The following ANKRD17 variants were observed in gnomAD, a reference collection of about 807,000 sequenced individuals.
ANKRD17 encodes the protein ankyrin repeat domain-containing protein 17.
Under a neutral mutation model 229.7 loss-of-function variants are expected in ANKRD17, and 19 were observed. That is an observed-to-expected ratio of 0.08 (90% CI 0.06 to 0.12). The LOEUF is 0.12. Ranked by LOEUF, ANKRD17 falls within the 10% of genes least tolerant of loss-of-function variation. ANKRD17 has a pLI of 1.00. For synonymous variants in ANKRD17, 1,112 were observed against 1,146.1 expected (o/e 0.97, Z 0.60); for missense variants, 2,176 against 3,176.8 (o/e 0.68, Z 7.57).
intron 2 of ANKRD17, among the ~76,000 whole-genome samples, chr4:73,163,651 T>C (rs562705461): frequency 2.6e-5 from 4 of 152,278 alleles, no homozygotes; most frequent in South Asian, 4.1e-4. Flanking sequence ...CAGTGCACTT[T>C]ATAATAAAAT....
chr4:73,211,879 A>T (rs1740325492), intron 1 of ANKRD17, among the ~76,000 whole-genome samples: 1 of 151,818 alleles, frequency 6.6e-6, no homozygotes, highest in Non-Finnish European at 1.5e-5. Context: ...TCTAATTGTA[A>T]GCTTTCATAA....
At chr4:73,190,294 G>T (rs544913655) in intron 1 of ANKRD17, among the ~76,000 whole-genome samples, 2 of 152,010 alleles carry the variant, frequency 1.3e-5, no homozygotes, top group East Asian at 1.9e-4. Context: ...ACTTGAACCC[G>T]GGAGGCAGAG....
intron 29 of ANKRD17, among the ~76,000 whole-genome samples, chr4:73,085,836 A>T (rs1473078570): frequency 6.6e-6 from 1 of 151,256 alleles, no homozygotes; most frequent in Non-Finnish European, 1.5e-5. Flanking sequence ...TAAAAAAAAA[A>T]AAAAATTAGC....
intron 3 of ANKRD17, among the ~76,000 whole-genome samples, chr4:73,159,217 C>T (rs910473482): frequency 3.9e-5 from 6 of 152,194 alleles, no homozygotes; most frequent in Admixed American, 1.3e-4. Flanking sequence ...AGACTCAATG[C>T]TATCATTTTT....
At chr4:73,097,918 A>C (rs1723499219) in intron 26 of ANKRD17, among the ~76,000 whole-genome samples, 155 bp downstream of exon 26, 1 of 152,226 alleles carries the variant, frequency 6.6e-6, no homozygotes, top group Non-Finnish European at 1.5e-5. Flanking sequence ...TCTAAACAAA[A>C]GCTTATTCTT....
At chr4:73,179,516 ATATT>A (rs1460438170) in intron 1 of ANKRD17, among the ~76,000 whole-genome samples, 2,493 of 56,790 alleles carry the variant, frequency 0.044, 30 homozygotes, top group East Asian at 0.15. Context: ...ATATATATAT[ATATT>A]TTTTTTTTTT....
intron 2 of ANKRD17, among the ~76,000 whole-genome samples, chr4:73,162,952 C>CG (rs1732730520): frequency 1.3e-5 from 2 of 151,768 alleles, no homozygotes; most frequent in Non-Finnish European, 2.9e-5. Context: ...CTCGACCTCC[C>CG]GGGCTCAAGT....
intron 24 of ANKRD17, among the ~76,000 whole-genome samples, chr4:73,110,427 C>T (rs1322458467): frequency 6.6e-6 from 1 of 152,210 alleles, no homozygotes; most frequent in Non-Finnish European, 1.5e-5. Context: ...CTCAGCCTCC[C>T]GAGTAGCTGG....
intron 1 of ANKRD17, among the ~76,000 whole-genome samples, chr4:73,197,606 G>C (rs1477344948): frequency 6.6e-6 from 1 of 152,138 alleles, no homozygotes; most frequent in Non-Finnish European, 1.5e-5. Context: ...GAGGTGGAAG[G>C]ATAAACTTGA....
intron 1 of ANKRD17, among the ~76,000 whole-genome samples, chr4:73,205,332 G>C (rs891121030): frequency 5.3e-5 from 8 of 151,836 alleles, no homozygotes; most frequent in Non-Finnish European, 1.2e-4. Context: ...AAATTTTTTA[G>C]CAAAATAAAA....
At chr4:73,223,063 G>C in intron 1 of ANKRD17, 2 of 1,535,186 alleles carry the variant, frequency 1.3e-6, no homozygotes, top group Non-Finnish European at 8.7e-7. Flanking sequence ...ACTGCACTAT[G>C]ATTAGATCAT....
At chr4:73,196,356 GC>G (rs1289183252) in intron 1 of ANKRD17, among the ~76,000 whole-genome samples, 1 of 151,952 alleles carries the variant, frequency 6.6e-6, no homozygotes, top group Non-Finnish European at 1.5e-5. Context: ...CTTCCATTCT[GC>G]CTGCTTTGGT....
chr4:73,125,811 TA>T (rs1560557759), intron 16 of ANKRD17, among the ~76,000 whole-genome samples: 1 of 152,020 alleles, frequency 6.6e-6, no homozygotes, highest in Non-Finnish European at 1.5e-5. Flanking sequence ...GCGAGTTTTT[TA>T]AAAAGGCTAC....
At chr4:73,143,042 C>T (rs1197397347) in intron 11 of ANKRD17, among the ~76,000 whole-genome samples, 1 of 152,008 alleles carries the variant, frequency 6.6e-6, no homozygotes, top group Non-Finnish European at 1.5e-5. Context: ...TAAAAGATAC[C>T]AAAGTACCCA....
intron 1 of ANKRD17, among the ~76,000 whole-genome samples, chr4:73,245,885 A>T (rs1376334586): frequency 6.6e-6 from 1 of 152,154 alleles, no homozygotes; most frequent in East Asian, 1.9e-4. Flanking sequence ...AAAAACAGAA[A>T]AGAAATCTAT....
At chr4:73,117,275 C>A (rs1038502830) in intron 22 of ANKRD17, among the ~76,000 whole-genome samples, 1 of 152,008 alleles carries the variant, frequency 6.6e-6, no homozygotes, top group African/African-American at 2.4e-5. Flanking sequence ...GAGATAGGAA[C>A]AAGGAAAAGA....
At chr4:73,090,283 G>A (rs1342122783) in intron 29 of ANKRD17, among the ~76,000 whole-genome samples, 2 of 152,074 alleles carry the variant, frequency 1.3e-5, no homozygotes, top group African/African-American at 2.4e-5. Flanking sequence ...GGTGGTGCAC[G>A]TCTGTAATCC....
chr4:73,141,807 C>G lies in ANKRD17; in HGVS notation c.2266G>C (p.Val756Leu). ...RVPVQALPMV[V>L]PPQEPDKPPA... ...GGTTTGTCAGGCTCCTGAGGTGGAA[C>G]AACCATGGGCAGTGCTTGAACTGGT... The change falls in exon 14 of 34, where the codon GTT (valine) becomes CTT (leucine). Residue 756 changes from valine to leucine, a missense_variant. Physicochemically the swap from Val to Leu is conservative, Grantham distance 32. Around this residue, in one of 18 missense-constraint regions of ANKRD17, gnomAD observed 275 missense variants for 386.9 expected, o/e 0.71. Coordinates refer to ENST00000358602, the MANE Select transcript of ANKRD17 (RefSeq NM_032217.5). 1 of 1,613,862 alleles carries G rather than the reference C, an allele frequency of 6.2e-7. No individual in the cohort carries two copies. The highest frequency in any genetic ancestry group is 8.5e-7 in the Non-Finnish European group (1 of 1,179,922).
chr4:73,187,145 A>G lies in ANKRD17; in HGVS notation c.394-9612T>C, dbSNP rs1222879351. Among the ~76,000 whole-genome samples, 3 of 152,228 alleles carry G rather than the reference A, an allele frequency of 2.0e-5. No individual in the cohort carries two copies. The East Asian group carries it at 5.8e-4, about 29-fold the overall frequency. On this transcript the variant is annotated intron_variant, in intron 1 of 33. Coordinates refer to ENST00000358602, the MANE Select transcript of ANKRD17 (RefSeq NM_032217.5). Reference sequence around the variant, plus strand: ...ACCAGATGCTAGAAGATATCTGTGCAATTAAAAGTTCTGATGAACAGTTTG... The same window carrying G: ...ACCAGATGCTAGAAGATATCTGTGCGATTAAAAGTTCTGATGAACAGTTTG...
Sources: gnomAD v4.1 joint callset for allele counts (sites outside exome capture counted in the v4.1 genomes callset) on GRCh38, gnomAD v4.1.1 for gene constraint, gnomAD v4.1.1 regional missense constraint, MANE v1.5 for transcripts, NCBI Gene and HGNC (gene_info 2026-07-23, HGNC 2026-07-21) for gene names.